Variants in TMOD1 observed in about 807,000 individuals in gnomAD.
The protein encoded by TMOD1 is tropomodulin-1.
In TMOD1, 17 loss-of-function variants were observed where a neutral mutation model predicts 40.6. The observed-to-expected ratio is 0.42, with a 90% CI of 0.29 to 0.63. The LOEUF is 0.63. Among genes scored for constraint, TMOD1 ranks in the 20% least tolerant of loss-of-function variants. TMOD1 has a pLI of 0.22. For missense variants in TMOD1, 391 were observed against 447.6 expected, an observed-to-expected ratio of 0.87 and a Z score of 1.14; for synonymous variants, 181 against 175.0, an observed-to-expected ratio of 1.03 and a Z score of -0.27.
chr9:97,536,747 C>T (rs999558162), intron 2 of TMOD1, among the ~76,000 whole-genome samples: 2 of 152,108 alleles, frequency 1.3e-5, no homozygotes, highest in East Asian at 3.9e-4. Context: ...TCTTCCAATC[C>T]CTGATAAAGA....
chr9:97,570,228 C>T (rs1411301747), intron 8 of TMOD1, among the ~76,000 whole-genome samples: 2 of 152,230 alleles, frequency 1.3e-5, no homozygotes, highest in Non-Finnish European at 2.9e-5. Context: ...CCCTTCCCAA[C>T]CATAACCCTT....
At chr9:97,549,806 A>G (rs2131251219) in intron 3 of TMOD1, among the ~76,000 whole-genome samples, 1 of 152,062 alleles carries the variant, frequency 6.6e-6, no homozygotes, top group South Asian at 2.1e-4. Flanking sequence ...CTGGTATTGC[A>G]CCCACACCAA....
chr9:97,511,396 T>C (rs1250026029), intron 1 of TMOD1, among the ~76,000 whole-genome samples: 2 of 152,170 alleles, frequency 1.3e-5, no homozygotes, highest in Non-Finnish European at 2.9e-5. Context: ...TCTGTCATAA[T>C]AGAACTAGGC....
At chr9:97,549,075 G>A (rs765729784) in intron 3 of TMOD1, among the ~76,000 whole-genome samples, 4 of 152,230 alleles carry the variant, frequency 2.6e-5, no homozygotes, top group Non-Finnish European at 4.4e-5. Context: ...GGAAAGGGAG[G>A]CCTTCTCATT....
At chr9:97,519,549 C>T (rs1035743234) in intron 1 of TMOD1, among the ~76,000 whole-genome samples, 2 of 152,222 alleles carry the variant, frequency 1.3e-5, no homozygotes, top group African/African-American at 4.8e-5. Context: ...CACCCCCTTC[C>T]TGCCCATCCC....
At chr9:97,544,467 T>C (rs7029600) in intron 2 of TMOD1, among the ~76,000 whole-genome samples, 122,048 of 150,964 alleles carry the variant, frequency 0.81, 49,919 homozygotes, top group African/African-American at 0.95. Context: ...ACCCGGGAGG[T>C]GGAGGTTGCA....
chr9:97,556,999 G>A lies in TMOD1; in HGVS notation c.397+3599G>A, dbSNP rs1587940802. ...TGCCCTCCTAACTCAGGTGTGACACGGGTGAGATGCATCACTCATGTATTC... is the reference window on the plus strand; with the variant it reads ...TGCCCTCCTAACTCAGGTGTGACACAGGTGAGATGCATCACTCATGTATTC... On this transcript the variant is annotated intron_variant, in intron 4 of 9. Transcript: ENST00000259365. Among the ~76,000 whole-genome samples the A allele has an allele frequency of 2.6e-5, 4 of 152,122 alleles. 1 individual carries two copies. The East Asian group carries it at 7.7e-4, about 29-fold the overall frequency.
chr9:97,572,912 C>T (rs1830843940), intron 8 of TMOD1, among the ~76,000 whole-genome samples: 1 of 152,194 alleles, frequency 6.6e-6, no homozygotes, highest in Non-Finnish European at 1.5e-5. Flanking sequence ...CCTGTGGTTG[C>T]GCCAAGACCA....
At chr9:97,520,971 A>C (rs1387671791) in intron 1 of TMOD1, among the ~76,000 whole-genome samples, 1 of 151,830 alleles carries the variant, frequency 6.6e-6, no homozygotes, top group African/African-American at 2.4e-5. Flanking sequence ...TCTGTCCATG[A>C]CTCTTTTTCT....
At chr9:97,514,897 G>A (rs1829775832) in intron 1 of TMOD1, among the ~76,000 whole-genome samples, 1 of 152,252 alleles carries the variant, frequency 6.6e-6, no homozygotes, top group African/African-American at 2.4e-5. Flanking sequence ...GTGGGAAGGG[G>A]AAATGCCTGG....
At chr9:97,504,538 T>C (rs1020225402) in intron 1 of TMOD1, among the ~76,000 whole-genome samples, 4 of 151,978 alleles carry the variant, frequency 2.6e-5, no homozygotes, top group Admixed American at 6.6e-5. Context: ...ATAATGAGGA[T>C]TGGGGACCTT....
rs759764599 is a variant in TMOD1 at position 97,591,413 on chromosome 9, A to G, written c.993A>G (p.Ala331=). 1.2e-5 allele frequency: 19 copies of G among 1,614,082 alleles called. No homozygotes were observed. Among genetic ancestry groups the G allele is most frequent in the Non-Finnish European group, 1.4e-5 (17 of 1,180,022 alleles). The change falls in exon 9 of 10, where the codon GCA becomes GCG. Residue 331 remains alanine, a synonymous_variant. Transcript: ENST00000259365. ...GACCCCGGCTTCGGGCATCCAACGC[A>G]ATGATGAACAACAATGACCTTGGTG... ...QQGPRLRASN[A]MMNNNDLVRK...
intron 2 of TMOD1, among the ~76,000 whole-genome samples, chr9:97,535,726 C>T (rs1454740371): frequency 6.6e-6 from 1 of 152,216 alleles, no homozygotes; most frequent in African/African-American, 2.4e-5. Context: ...AGAGACTGTG[C>T]TGCTATGACA....
At chr9:97,520,774 C>T (rs377427087) in intron 1 of TMOD1, among the ~76,000 whole-genome samples, 24 of 152,238 alleles carry the variant, frequency 1.6e-4, no homozygotes, top group African/African-American at 5.5e-4. Flanking sequence ...TCATGATTTG[C>T]CCCCCTCAGG....
At chr9:97,579,724 G>T (rs981396662) in intron 8 of TMOD1, among the ~76,000 whole-genome samples, 1 of 152,194 alleles carries the variant, frequency 6.6e-6, no homozygotes, top group Admixed American at 6.5e-5. Context: ...GGACAATACC[G>T]TTCTAATTGG....
intron 9 of TMOD1, among the ~76,000 whole-genome samples, chr9:97,595,021 G>T (rs1399405997): frequency 6.6e-6 from 1 of 152,156 alleles, no homozygotes; most frequent in African/African-American, 2.4e-5. Flanking sequence ...CCATTTTACA[G>T]TATTCTCAGG....
At chr9:97,594,552 T>C (rs1826066850) in intron 9 of TMOD1, among the ~76,000 whole-genome samples, 1 of 152,206 alleles carries the variant, frequency 6.6e-6, no homozygotes, top group Non-Finnish European at 1.5e-5. Flanking sequence ...CACCTGCCTC[T>C]GCTGGCTCTT....
chr9:97,521,790 G>C (rs1174868195), intron 1 of TMOD1, among the ~76,000 whole-genome samples: 3 of 152,276 alleles, frequency 2.0e-5, no homozygotes, highest in Non-Finnish European at 4.4e-5. Flanking sequence ...CATATACTTG[G>C]ATTTCTCCTG....
chr9:97,557,366 G>C lies in TMOD1; in HGVS notation c.397+3966G>C, dbSNP rs77797160. On this transcript the variant is annotated intron_variant, in intron 4 of 9. Coordinates refer to ENST00000259365, the MANE Select transcript of TMOD1 (RefSeq NM_003275.4). The surrounding 1 kb of genome is among the most constrained non-coding windows in gnomAD (Gnocchi z 4.4). ...CCACTCAGGGAGGTGATGCTGGCTG[G>C]CTTTAGGGACCCTTCAGGTGGGGCA... 0.015 allele frequency among the ~76,000 whole-genome samples: 2,314 copies of C among 152,234 alleles called. 26 individuals are homozygous for C. Among genetic ancestry groups the C allele is most frequent in the Non-Finnish European group, 0.024 (1,618 of 67,994 alleles).
Sources: gnomAD v4.1 joint callset for allele counts (sites outside exome capture counted in the v4.1 genomes callset) on GRCh38, gnomAD v4.1.1 for gene constraint, Gnocchi (gnomAD v3.1) non-coding constraint, MANE v1.5 for transcripts, NCBI Gene and HGNC (gene_info 2026-07-23, HGNC 2026-07-21) for gene names.